The following FAM118B variants were observed in gnomAD, a reference collection of about 807,000 sequenced individuals.
FAM118B encodes the protein protein FAM118B.
A neutral mutation model predicts 38.5 loss-of-function variants in FAM118B; 24 were observed. The observed-to-expected ratio is 0.62, with a 90% CI of 0.45 to 0.88. FAM118B has a LOEUF of 0.88. FAM118B is among the 40% of genes least tolerant of loss of function. The probability of loss-of-function intolerance (pLI) is 0.00; values close to 1 mark genes in which losing one functional copy is unlikely to be tolerated. For missense variants in FAM118B, 334 were observed against 420.0 expected (o/e 0.80, Z 1.79); for synonymous variants, 138 against 156.3 (o/e 0.88, Z 0.87).
At chr11:126,220,614 C>T (rs1950051616) in intron 1 of FAM118B, among the ~76,000 whole-genome samples, 1 of 152,094 alleles carries the variant, frequency 6.6e-6, no homozygotes, top group Non-Finnish European at 1.5e-5. Context: ...GCTTAGGAGG[C>T]TGAGATAGGA....
At chr11:126,227,990 G>C (rs1054136283) in intron 1 of FAM118B, among the ~76,000 whole-genome samples, 2 of 151,800 alleles carry the variant, frequency 1.3e-5, no homozygotes, top group African/African-American at 4.8e-5. Context: ...GGTACAGATG[G>C]GGTTTCGCCA....
intron 7 of FAM118B, among the ~76,000 whole-genome samples, chr11:126,257,067 A>G (rs919154207): frequency 6.6e-6 from 1 of 152,238 alleles, no homozygotes; most frequent in Non-Finnish European, 1.5e-5. Flanking sequence ...CAATATAGAC[A>G]TAGGAAGAAT....
At chr11:126,220,232 C>T (rs140250707) in intron 1 of FAM118B, among the ~76,000 whole-genome samples, 64 of 152,338 alleles carry the variant, frequency 4.2e-4, no homozygotes, top group African/African-American at 1.4e-3. Context: ...TCTCCACCTG[C>T]CTCCCTTGGG....
chr11:126,260,029 TTTA>T (rs1048526121), intron 7 of FAM118B, among the ~76,000 whole-genome samples: 2 of 151,942 alleles, frequency 1.3e-5, no homozygotes, highest in South Asian at 2.1e-4. Context: ...TTATTTTTAT[TTTA>T]TTATTATTAC....
intron 4 of FAM118B, among the ~76,000 whole-genome samples, chr11:126,241,788 G>GATC (rs1565334109): frequency 1.3e-5 from 2 of 152,100 alleles, no homozygotes; most frequent in Non-Finnish European, 2.9e-5. Context: ...GACCTCAAGT[G>GATC]ATCTGCCCAC....
At chr11:126,238,786 C>T (rs750885906) in intron 3 of FAM118B, among the ~76,000 whole-genome samples, 2 of 152,068 alleles carry the variant, frequency 1.3e-5, no homozygotes, top group Non-Finnish European at 2.9e-5. Flanking sequence ...CCAAGGGAAT[C>T]GGCCTTTGCA....
intron 3 of FAM118B, among the ~76,000 whole-genome samples, chr11:126,238,474 T>C (rs1429703538): frequency 6.6e-6 from 1 of 152,196 alleles, no homozygotes; most frequent in Non-Finnish European, 1.5e-5. Flanking sequence ...GGAATCGTCC[T>C]CATTTCCTAA....
chr11:126,247,063 C>G (rs1950427671), intron 4 of FAM118B, among the ~76,000 whole-genome samples: 1 of 152,166 alleles, frequency 6.6e-6, no homozygotes, highest in African/African-American at 2.4e-5. Flanking sequence ...GAGGCTGAGG[C>G]AAGAGGATCA....
chr11:126,247,902 C>A (rs1335914911), intron 4 of FAM118B, among the ~76,000 whole-genome samples: 1 of 143,854 alleles, frequency 7.0e-6, no homozygotes, highest in Non-Finnish European at 1.5e-5. Context: ...TATAGATATA[C>A]GTATATCTAT....
In FAM118B at chr11:126,262,126, GTACAT is replaced by G. The variant is rs1950714132; in HGVS notation, c.1050_1054del (p.Ser350ArgfsTer25). 17 of 1,613,982 alleles carry G rather than the reference GTACAT, an allele frequency of 1.1e-5. No homozygotes were observed. The highest frequency in any genetic ancestry group is 1.4e-5 in the Non-Finnish European group (17 of 1,179,996). ...CTTTTCTTTCTCCCTACAGGCTGTA[GTACAT>G]GAGCGAGCTAGAGAAATCACCACCG... On this transcript the variant is annotated frameshift_variant and stop_lost, in exon 9 of 9. Coordinates refer to ENST00000533050, the MANE Select transcript of FAM118B (RefSeq NM_024556.4). LOFTEE classifies it high-confidence loss of function.
chr11:126,250,566 T>C lies in FAM118B; in HGVS notation c.400T>C (p.Leu134=). ...CTGTTTATATGAAGTATTTGATGACTTGGAGTCAAAGATGGAAGATTCTGG... is the reference window on the plus strand; with the variant it reads ...CTGTTTATATGAAGTATTTGATGACCTGGAGTCAAAGATGGAAGATTCTGG... ...KDCLYEVFDD[L]ESKMEDSGKQ... is the part of the protein sequence containing the mutation. The change falls in exon 5 of 9, where the codon TTG becomes CTG. Residue 134 remains leucine, a synonymous_variant. Transcript: ENST00000533050. This position sits in a 1 kb window ranked among gnomAD's most constrained non-coding sequence, Gnocchi z 5.1. The C allele has an allele frequency of 6.2e-7, 1 of 1,614,156 alleles. No homozygotes were observed. Among genetic ancestry groups the C allele is most frequent in the Non-Finnish European group, 8.5e-7 (1 of 1,179,992 alleles).
At chr11:126,212,083 T>C (rs930357292) in intron 1 of FAM118B, among the ~76,000 whole-genome samples, 1 of 152,192 alleles carries the variant, frequency 6.6e-6, no homozygotes, top group African/African-American at 2.4e-5. Flanking sequence ...TCTCCGGTGA[T>C]CCGCCAGTCC....
chr11:126,240,720 A>C, intron 3 of FAM118B, 72 bp from the exon 4 acceptor site: 2 of 1,440,668 alleles, frequency 1.4e-6, no homozygotes, highest in Non-Finnish European at 1.9e-6. Context: ...CTGTAACCTG[A>C]GTCAGACAGT....
chr11:126,258,159 G>A (rs1203914614), intron 7 of FAM118B, among the ~76,000 whole-genome samples: 1 of 152,180 alleles, frequency 6.6e-6, no homozygotes, highest in African/African-American at 2.4e-5. Context: ...ACTGTGGGAG[G>A]CCCAGGTGGG....
At chr11:126,211,724 GTGGTGCGGGGTGGGGCC>G, upstream of FAM118B, 2 of 1,450,148 alleles carry the variant, frequency 1.4e-6, no homozygotes, top group South Asian at 2.6e-5. Flanking sequence ...TGCAGGTCAC[GTGGTGCGGGGTGGGGCC>G]TGGGCGAGTC....
intron 2 of FAM118B, among the ~76,000 whole-genome samples, chr11:126,229,869 G>T (rs965163187): frequency 6.6e-6 from 1 of 152,172 alleles, no homozygotes; most frequent in Non-Finnish European, 1.5e-5. Context: ...CTCTAGTGAG[G>T]TCTTTCTCCT....
At position 126,262,368 on chromosome 11, in the gene FAM118B, A is replaced by C; in HGVS notation, c.*235A>C. On this transcript the variant is annotated 3_prime_UTR_variant, in exon 9 of 9. Coordinates refer to ENST00000533050, the MANE Select transcript of FAM118B (RefSeq NM_024556.4). ...GAATAAAAGCGACAGCAGGACCCAA[A>C]TGCAGCTCCCAACCCACTCCCCAGG... The C allele has an allele frequency of 2.0e-5, 11 of 560,404 alleles. No homozygotes were observed. The highest frequency in any genetic ancestry group is 3.2e-5 in the Admixed American group (1 of 31,116). 34.7% of individuals were successfully genotyped at this position (560,404 alleles called of 1,614,324 possible). A position where few individuals can be genotyped will look rare whatever the true frequency, so the allele number is the denominator to read the frequency against.
Position 126,252,600 on chromosome 11 carries a change from G to A in FAM118B, c.568-1705G>A, listed in dbSNP as rs534884444. Among the ~76,000 whole-genome samples, 2 of 152,036 alleles carry A rather than the reference G, an allele frequency of 1.3e-5. No homozygotes were observed. The highest frequency in any genetic ancestry group is 2.9e-5 in the Non-Finnish European group (2 of 68,016). ...TCTACAAAAAGTTTAAAAATTAGCC[G>A]GGCATGGTGGTGTTTGCCTGTGGTC... On this transcript the variant is annotated intron_variant, in intron 5 of 8. Coordinates refer to ENST00000533050, the MANE Select transcript of FAM118B (RefSeq NM_024556.4). The surrounding 1 kb of genome is among the most constrained non-coding windows in gnomAD (Gnocchi z 4.7).
chr11:126,262,186 G>T lies in FAM118B; in HGVS notation c.*53G>T. 2 of 1,593,962 alleles carry T rather than the reference G, an allele frequency of 1.3e-6. No individual in the cohort carries two copies. Among genetic ancestry groups the T allele is most frequent in the Non-Finnish European group, 1.7e-6 (2 of 1,162,240 alleles). On this transcript the variant is annotated 3_prime_UTR_variant, in exon 9 of 9. Coordinates refer to ENST00000533050, the MANE Select transcript of FAM118B (RefSeq NM_024556.4). ...GACCAAGCTGTAAGGCCCTACTACA[G>T]ACAGTGTTTAACAAGTAAACTTACA... is the stretch of plus-strand genomic sequence containing the variant.
Sources: gnomAD v4.1 joint callset for allele counts (sites outside exome capture counted in the v4.1 genomes callset) on GRCh38, gnomAD v4.1.1 for gene constraint, Gnocchi (gnomAD v3.1) non-coding constraint, MANE v1.5 for transcripts, NCBI Gene and HGNC (gene_info 2026-07-23, HGNC 2026-07-21) for gene names.